Variants in PCDHGB3 observed in about 807,000 individuals in gnomAD.
PCDHGB3 encodes the protein protocadherin gamma subfamily B, 3.
In PCDHGB3, 40 loss-of-function variants were observed where a neutral mutation model predicts 59.2. The observed-to-expected ratio is 0.68, with a 90% CI of 0.52 to 0.88. The LOEUF (loss-of-function observed/expected upper bound fraction) is 0.88. PCDHGB3 is among the 40% of genes least tolerant of loss of function. PCDHGB3 has a pLI of 0.00. For missense variants in PCDHGB3, 1,309 were observed against 1,187.9 expected (o/e 1.10, Z -1.50); for synonymous variants, 581 against 503.6 (o/e 1.15, Z -2.06).
chr5:141,381,932 C>T lies in PCDHGB3; in HGVS notation c.2415+9123C>T, dbSNP rs1205042648. Among the ~76,000 whole-genome samples the T allele has an allele frequency of 2.1e-5, 3 of 144,772 alleles. No homozygotes were observed. The Admixed American group carries it at 2.2e-4, about 11-fold the overall frequency. The allele number at this position is 144,772 out of a possible 152,430, so 95.0% of individuals were successfully genotyped here. A position where few individuals can be genotyped will look rare whatever the true frequency, so the allele number is the denominator to read the frequency against. ...ACAACCTCCACCTCCCGGGTTCAAG[C>T]GATTTTCCTGCCTCAGCCTCCTGAG... is the stretch of plus-strand genomic sequence containing the variant. On this transcript the variant is annotated intron_variant, in intron 1 of 3. Transcript: ENST00000576222.
In PCDHGB3 at chr5:141,483,740, A is replaced by T. The variant is rs2099586227; in HGVS notation, c.2416-11067A>T. Among the ~76,000 whole-genome samples, 4 of 152,148 alleles carry T rather than the reference A, an allele frequency of 2.6e-5. No homozygotes were observed. The South Asian group carries it at 8.3e-4, about 32-fold the overall frequency. ...TGGTTCCCACCATAGTCAAAAGGATATTCCTGAGGATCGAGGCTTGGAAAA... is the reference window on the plus strand; with the variant it reads ...TGGTTCCCACCATAGTCAAAAGGATTTTCCTGAGGATCGAGGCTTGGAAAA... On this transcript the variant is annotated intron_variant, in intron 1 of 3. Transcript: ENST00000576222.
chr5:141,490,088 ACCACAC>A lies in PCDHGB3; in HGVS notation c.2416-4718_2416-4713del. On this transcript the variant is annotated intron_variant, in intron 1 of 3. Transcript: ENST00000576222. The surrounding 1 kb of genome is among the most constrained non-coding windows in gnomAD (Gnocchi z 5.4). The stretch of plus-strand genomic sequence containing the variant: ...GGCCAACTAGACTATTCTTTTGGAG[ACCACAC>A]ATCTGAGGCAGTGCGGAACCTCTTT... The A allele has an allele frequency of 6.2e-7, 1 of 1,614,190 alleles. No homozygotes were observed. Among genetic ancestry groups the A allele is most frequent in the Non-Finnish European group, 8.5e-7 (1 of 1,180,004 alleles).
intron 1 of PCDHGB3, among the ~76,000 whole-genome samples, chr5:141,451,780 C>T (rs988572200): frequency 6.6e-6 from 1 of 152,016 alleles, no homozygotes; most frequent in Non-Finnish European, 1.5e-5. Flanking sequence ...ACTCAGGAGG[C>T]TGAGGCCAGA....
At position 141,430,919 on chromosome 5, in the gene PCDHGB3, C is replaced by A. The variant is rs377613499; in HGVS notation, c.2415+58110C>A. The A allele has an allele frequency of 6.2e-7, 1 of 1,607,492 alleles. No homozygotes were observed. Among genetic ancestry groups the A allele is most frequent in the Admixed American group, 1.7e-5 (1 of 58,806 alleles). The stretch of plus-strand genomic sequence containing the variant: ...GGGCGACATCTCCAGGGACCTGGGG[C>A]TGGAGCCCCGGGAGCTCGCGGAGCG... On this transcript the variant is annotated intron_variant, in intron 1 of 3. Transcript: ENST00000576222.
intron 1 of PCDHGB3, chr5:141,395,094 G>A (rs192995605): frequency 6.2e-7 from 1 of 1,614,160 alleles, no homozygotes; most frequent in African/African-American, 1.3e-5. Flanking sequence ...CTCCCTCACC[G>A]CCGACTCGCG....
intron 1 of PCDHGB3, chr5:141,421,214 G>T (rs1469085534): frequency 5.1e-6 from 8 of 1,561,612 alleles, no homozygotes; most frequent in Non-Finnish European, 6.9e-6. Flanking sequence ...CGGAATATCG[G>T]CTTAGAGCCT....
At position 141,486,367 on chromosome 5, in the gene PCDHGB3, G is replaced by A; in HGVS notation, c.2416-8440G>A. On this transcript the variant is annotated intron_variant, in intron 1 of 3. Coordinates refer to ENST00000576222, the MANE Select transcript of PCDHGB3 (RefSeq NM_018924.5). This position sits in a 1 kb window ranked among gnomAD's most constrained non-coding sequence, Gnocchi z 5.0. Reference sequence around the variant, plus strand: ...CTGACCACTTGCCATTTGCCCTCAAGTCTGCCTTCAGGAACCAGTTCTCCC... The same window carrying A: ...CTGACCACTTGCCATTTGCCCTCAAATCTGCCTTCAGGAACCAGTTCTCCC... 1 of 1,614,148 alleles carries A rather than the reference G, an allele frequency of 6.2e-7. No individual in the cohort carries two copies. Among genetic ancestry groups the A allele is most frequent in the Non-Finnish European group, 8.5e-7 (1 of 1,180,022 alleles).
At position 141,491,825 on chromosome 5, in the gene PCDHGB3, C is replaced by A. The variant is rs948385010; in HGVS notation, c.2416-2982C>A. ...CGGCTTGGTCGCTGGCTGCGCTCCA[C>A]CCGATTCTCGGGATCATTGGACCGT... On this transcript the variant is annotated intron_variant, in intron 1 of 3. Coordinates refer to ENST00000576222, the MANE Select transcript of PCDHGB3 (RefSeq NM_018924.5). This position sits in a 1 kb window ranked among gnomAD's most constrained non-coding sequence, Gnocchi z 6.9. 145 of 1,478,052 alleles carry A rather than the reference C, an allele frequency of 9.8e-5. No homozygotes were observed. Among genetic ancestry groups the A allele is most frequent in the Non-Finnish European group, 1.3e-4 (142 of 1,114,822 alleles). 91.6% of individuals were successfully genotyped at this position (1,478,052 alleles called of 1,614,324 possible). A position where few individuals can be genotyped will look rare whatever the true frequency, so the allele number is the denominator to read the frequency against.
At position 141,493,061 on chromosome 5, in the gene PCDHGB3, C is replaced by G. The variant is rs1386090478; in HGVS notation, c.2416-1746C>G. On this transcript the variant is annotated intron_variant, in intron 1 of 3. Transcript: ENST00000576222. The surrounding 1 kb of genome is among the most constrained non-coding windows in gnomAD (Gnocchi z 4.3). The stretch of plus-strand genomic sequence containing the variant: ...GAGGAAACTACAATAGTAAAAAACA[C>G]AAGTTTCTCCAACTCCAGGAGCTTT... Among the ~76,000 whole-genome samples the G allele has an allele frequency of 6.6e-6, 1 of 152,228 alleles. No individual in the cohort carries two copies. Among genetic ancestry groups the G allele is most frequent in the African/African-American group, 2.4e-5 (1 of 41,446 alleles).
intron 1 of PCDHGB3, among the ~76,000 whole-genome samples, chr5:141,447,321 G>C (rs148203274): frequency 3.9e-5 from 6 of 152,068 alleles, no homozygotes; most frequent in Admixed American, 6.5e-5. Flanking sequence ...TGTATTTTTA[G>C]TAGAGACGGG....
chr5:141,469,677 T>C (rs1271778909), intron 1 of PCDHGB3, among the ~76,000 whole-genome samples: 1 of 152,246 alleles, frequency 6.6e-6, no homozygotes, highest in African/African-American at 2.4e-5. Context: ...TAAAACTACA[T>C]ATGCATTGGT....
intron 1 of PCDHGB3, chr5:141,426,833 G>T: frequency 2.2e-6 from 1 of 456,680 alleles, no homozygotes; most frequent in Non-Finnish European, 4.4e-6. Flanking sequence ...TGATGGACAA[G>T]ACTAAAGGCA....
chr5:141,502,868 T>TTTTTTTTTC (rs1298099288), intron 2 of PCDHGB3, among the ~76,000 whole-genome samples: 1 of 147,026 alleles, frequency 6.8e-6, no homozygotes, highest in Non-Finnish European at 1.5e-5. Flanking sequence ...CTCTCTGTCT[T>TTTTTTTTTC]TTTTTTTTTT....
chr5:141,385,498 T>C, intron 1 of PCDHGB3: 2 of 1,386,236 alleles, frequency 1.4e-6, no homozygotes, highest in Non-Finnish European at 1.9e-6. Context: ...TAGGATATAG[T>C]ATTTCTTTAG....
At chr5:141,454,311 T>G (rs755771201) in intron 1 of PCDHGB3, among the ~76,000 whole-genome samples, 6 of 152,216 alleles carry the variant, frequency 3.9e-5, no homozygotes, top group Admixed American at 2.6e-4. Context: ...TTTCAAAGCA[T>G]TGAAACCTCC....
chr5:141,370,507 C>T lies in PCDHGB3; in HGVS notation c.113C>T (p.Pro38Leu). 1.9e-6 allele frequency: 3 copies of T among 1,613,920 alleles called. No homozygotes were observed. The highest frequency in any genetic ancestry group is 2.5e-6 in the Non-Finnish European group (3 of 1,179,882). ...ALSEPIRYAI[P>L]EELDRGSLVG... is the part of the protein sequence containing the mutation. The stretch of plus-strand genomic sequence containing the variant: ...TCCGAACCGATCCGCTACGCTATTC[C>T]CGAGGAGCTGGACAGGGGCTCGCTG... The change falls in exon 1 of 4, where the codon CCC (proline) becomes CTC (leucine). Residue 38 changes from proline (P) to leucine (L), a missense_variant. Coordinates refer to ENST00000576222, the MANE Select transcript of PCDHGB3 (RefSeq NM_018924.5).
intron 1 of PCDHGB3, chr5:141,427,612 T>G (rs975527074): frequency 2.9e-6 from 2 of 691,298 alleles, no homozygotes; most frequent in African/African-American, 1.8e-5. Flanking sequence ...ATTGGTGAAG[T>G]CAACGACAAT....
At position 141,510,984 on chromosome 5, in the gene PCDHGB3, C is replaced by A. The variant is rs375865663; in HGVS notation, c.2601C>A (p.Ala867=). 6.2e-7 allele frequency: 1 copy of A among 1,614,162 alleles called. No individual in the cohort carries two copies. The highest frequency in any genetic ancestry group is 8.5e-7 in the Non-Finnish European group (1 of 1,180,012). The part of the protein sequence containing the change: ...ADGSSTLGGG[A]GTMGLSARYG... The stretch of plus-strand genomic sequence containing the variant: ...GGAGCTCCACCCTGGGAGGGGGTGC[C>A]GGCACCATGGGATTGAGCGCCCGCT... Residue 867 remains alanine, a synonymous_variant, in exon 4 of 4, where the codon GCC becomes GCA. Coordinates refer to ENST00000576222, the MANE Select transcript of PCDHGB3 (RefSeq NM_018924.5).
At chr5:141,405,881 T>C (rs998587989) in intron 1 of PCDHGB3, among the ~76,000 whole-genome samples, 4 of 152,210 alleles carry the variant, frequency 2.6e-5, no homozygotes, top group Admixed American at 2.6e-4. Flanking sequence ...GGCCTAATTG[T>C]TGCTCCAACA....
Sources: gnomAD v4.1 joint callset for allele counts (sites outside exome capture counted in the v4.1 genomes callset) on GRCh38, gnomAD v4.1.1 for gene constraint, Gnocchi (gnomAD v3.1) non-coding constraint, MANE v1.5 for transcripts, NCBI Gene and HGNC (gene_info 2026-07-23, HGNC 2026-07-21) for gene names.